Variants in CREB3L1 observed in about 807,000 individuals in gnomAD.
CREB3L1 encodes the protein cyclic AMP-responsive element-binding protein 3-like protein 1.
CREB3L1 carries 33 observed loss-of-function variants against 54.5 expected under a neutral mutation model. The observed-to-expected ratio is 0.61, with a 90% CI of 0.46 to 0.81. The LOEUF (loss-of-function observed/expected upper bound fraction) is 0.81, where lower values mean the gene tolerates loss of function less well. CREB3L1 is among the 30% of genes least tolerant of loss of function. The pLI is 0.00. For synonymous variants in CREB3L1, 284 were observed against 286.4 expected, an observed-to-expected ratio of 0.99 and a Z score of 0.08; for missense variants, 656 against 673.3, an observed-to-expected ratio of 0.97 and a Z score of 0.29.
chr11:46,314,680 T>G (rs1378771420), intron 8 of CREB3L1, among the ~76,000 whole-genome samples: 3 of 151,712 alleles, frequency 2.0e-5, no homozygotes, highest in Non-Finnish European at 4.4e-5. Context: ...TGGCCTTCTT[T>G]CATTATTTTT....
chr11:46,280,003 G>A (rs1938943330), intron 1 of CREB3L1, among the ~76,000 whole-genome samples: 1 of 152,158 alleles, frequency 6.6e-6, no homozygotes, highest in Non-Finnish European at 1.5e-5. Context: ...TGCTGGGGAG[G>A]CTCCTGATCT....
chr11:46,304,936 T>A (rs1939357433), intron 2 of CREB3L1, among the ~76,000 whole-genome samples: 1 of 152,266 alleles, frequency 6.6e-6, no homozygotes, highest in Non-Finnish European at 1.5e-5. Context: ...CCAGGCCCTG[T>A]AATTTGGGAA....
Position 46,312,906 on chromosome 11 carries a change from G to C in CREB3L1, c.1018G>C (p.Glu340Gln). Residue 340 changes from glutamate (E) to glutamine (Q), a missense_variant, in exon 8 of 12, where the codon GAG (glutamate) becomes CAG (glutamine). Glu to Gln is a conservative substitution (Grantham distance 29). Around this residue, in one of 3 missense-constraint regions of CREB3L1, gnomAD observed 77 missense variants for 122.0 expected, o/e 0.63. Coordinates refer to ENST00000621158, the MANE Select transcript of CREB3L1 (RefSeq NM_052854.4). ...ACTGTGGAAGAAGGTGGAGACCCTG[G>C]AGAATGCCAACAGGTGGGTAGTGCC... The part of the protein sequence containing the change: ...NELWKKVETL[E>Q]NANRTLLQQL... 1 of 1,586,646 alleles carries C rather than the reference G, an allele frequency of 6.3e-7. No homozygotes were observed.
chr11:46,310,945 G>C (rs2303434), intron 4 of CREB3L1, 87 bp from the exon 5 acceptor site: 5 of 1,470,682 alleles, frequency 3.4e-6, no homozygotes, highest in East Asian at 2.6e-5. Flanking sequence ...GTCAGGGCTG[G>C]TGCAAGCTCA....
chr11:46,317,341 C>T lies in CREB3L1; in HGVS notation c.1132-20C>T, dbSNP rs577462367. On this transcript the variant is annotated intron_variant, in intron 9 of 11. Coordinates refer to ENST00000621158, the MANE Select transcript of CREB3L1 (RefSeq NM_052854.4). ...CCCCTCCTTACCCCAGATCTGATGC[C>T]ACTCTCTCTTTGCTACCAGGTGGCA... 2.0e-4 allele frequency: 325 copies of T among 1,613,868 alleles called. 5 individuals are homozygous for T. In the South Asian group the frequency reaches 3.4e-3, roughly 17 times the overall value.
chr11:46,296,205 G>A (rs1939208363), intron 1 of CREB3L1, among the ~76,000 whole-genome samples: 1 of 152,066 alleles, frequency 6.6e-6, no homozygotes, highest in African/African-American at 2.4e-5. Flanking sequence ...AGTGGAGGGA[G>A]GGCTGGGTGT....
Position 46,299,927 on chromosome 11 carries a change from T to G in CREB3L1, c.103-8T>G, listed in dbSNP as rs767532730. The G allele has an allele frequency of 1.2e-6, 2 of 1,609,746 alleles. No homozygotes were observed. Among genetic ancestry groups the G allele is most frequent in the Admixed American group, 3.3e-5 (2 of 59,954 alleles). ...ATTCCCTCTTCCCCTCACCTCTTCC[T>G]TCCCTAGCACTTTCCTGAGCACCTG... is the stretch of plus-strand genomic sequence containing the variant. On this transcript the variant is annotated splice_polypyrimidine_tract_variant and splice_region_variant and intron_variant, in intron 1 of 11. Transcript: ENST00000621158.
At chr11:46,316,101 G>A in intron 8 of CREB3L1, 185 bp from the exon 9 acceptor site, 1 of 530,678 alleles carries the variant, frequency 1.9e-6, no homozygotes, top group Admixed American at 3.6e-5. Flanking sequence ...CAGTCACCAT[G>A]AGGCAGGCCC....
At position 46,281,986 on chromosome 11, in the gene CREB3L1, A is replaced by G. The variant is rs558865065; in HGVS notation, c.102+3773A>G. ...GAGACCTCTGATACCTACTCTATCA[A>G]AACATTAAGTTCGTTTTGAGCAGAG... On this transcript the variant is annotated intron_variant, in intron 1 of 11. Coordinates refer to ENST00000621158, the MANE Select transcript of CREB3L1 (RefSeq NM_052854.4). Among the ~76,000 whole-genome samples, 121 of 152,302 alleles carry G rather than the reference A, an allele frequency of 7.9e-4. 1 individual carries two copies. Among genetic ancestry groups the G allele is most frequent in the Admixed American group, 1.6e-3 (24 of 15,304 alleles).
rs554472100 is a variant in CREB3L1, at chr11:46,284,531, G to A, written c.102+6318G>A. Reference sequence around the variant, plus strand: ...TAGCCAGGCATGGTGGCATGTGCCTGTAATCCCAGCTACTTGGGAGGCTGA... The same window carrying A: ...TAGCCAGGCATGGTGGCATGTGCCTATAATCCCAGCTACTTGGGAGGCTGA... On this transcript the variant is annotated intron_variant, in intron 1 of 11. Transcript: ENST00000621158. 4.6e-5 allele frequency among the ~76,000 whole-genome samples: 7 copies of A among 152,004 alleles called. No homozygotes were observed. In the South Asian group the frequency reaches 1.2e-3, roughly 27 times the overall value.
At position 46,320,298 on chromosome 11, in the gene CREB3L1, G is replaced by A. The variant is rs1204433197; in HGVS notation, c.1293G>A (p.Gly431=). The A allele has an allele frequency of 1.2e-6, 2 of 1,612,250 alleles. No homozygotes were observed. The highest frequency in any genetic ancestry group is 1.3e-5 in the African/African-American group (1 of 74,826). ...GAAGCCTCCTATTCTACGATGACGGGGCAGGCTTATGGGAAGATGGCCGCA... is the reference window on the plus strand; with the variant it reads ...GAAGCCTCCTATTCTACGATGACGGAGCAGGCTTATGGGAAGATGGCCGCA... ...PSRSLLFYDD[G]AGLWEDGRST... is the part of the protein sequence containing the mutation. Residue 431 remains glycine, a synonymous_variant, in exon 11 of 12, where the codon GGG becomes GGA. Coordinates refer to ENST00000621158, the MANE Select transcript of CREB3L1 (RefSeq NM_052854.4).
intron 3 of CREB3L1, 53 bp downstream of exon 3, chr11:46,308,053 T>A: frequency 7.0e-7 from 1 of 1,425,986 alleles, no homozygotes; most frequent in South Asian, 1.4e-5. Context: ...GGCTGGTGGG[T>A]CTGTGGGAAG....
intron 8 of CREB3L1, chr11:46,315,897 G>A (rs1279378509): frequency 4.8e-6 from 1 of 206,344 alleles, no homozygotes; most frequent in Non-Finnish European, 9.9e-6. Context: ...ACCAGGCACT[G>A]TGCCAAACAG....
chr11:46,277,863 G>A lies in CREB3L1; in HGVS notation c.-249G>A, dbSNP rs1218487334. On this transcript the variant is annotated 5_prime_UTR_variant, in exon 1 of 12. Coordinates refer to ENST00000621158, the MANE Select transcript of CREB3L1 (RefSeq NM_052854.4). ...AGGAGGAGCAGGAGGAGGTGGAGTC[G>A]GCTGAATGCCCACGGTGCGCCCGGG... 3.3e-5 allele frequency: 12 copies of A among 358,272 alleles called. No homozygotes were observed. The East Asian group carries it at 4.7e-4, about 14-fold the overall frequency. The allele number at this position is 358,272 out of a possible 1,614,324, so 22.2% of individuals were successfully genotyped here. A position where few individuals can be genotyped will look rare whatever the true frequency, so the allele number is the denominator to read the frequency against.
chr11:46,320,476 G>A lies in CREB3L1; in HGVS notation c.1471G>A (p.Gly491Arg), dbSNP rs1364280800. 1.9e-6 allele frequency: 3 copies of A among 1,599,234 alleles called. No homozygotes were observed. The highest frequency in any genetic ancestry group is 1.1e-5 in the South Asian group (1 of 88,956). Reference protein sequence around the residue: ...YLSEAWPKDGGNGTSPDFSHS... With the variant: ...YLSEAWPKDGRNGTSPDFSHS... ...GAGTGAGGCCTGGCCTAAAGACGGTGGAAACGGCACCAGCCCCGACTTCTC... is the reference window on the plus strand; with the variant it reads ...GAGTGAGGCCTGGCCTAAAGACGGTAGAAACGGCACCAGCCCCGACTTCTC... Residue 491 changes from glycine (G) to arginine (R), a missense_variant, in exon 11 of 12, where the codon GGA (glycine) becomes AGA (arginine). Physicochemically the swap from Gly to Arg is moderately radical, Grantham distance 125 (BLOSUM62 -2). Coordinates refer to ENST00000621158, the MANE Select transcript of CREB3L1 (RefSeq NM_052854.4).
intron 10 of CREB3L1, 32 bp downstream of exon 10, chr11:46,317,519 GGCTGAGGCTGCCCTGC>G: frequency 6.2e-7 from 1 of 1,602,436 alleles, no homozygotes; most frequent in Non-Finnish European, 8.5e-7. Flanking sequence ...CAGCTCCCTG[GGCTGAGGCTGCCCTGC>G]CCCAGCCCCA....
Position 46,316,372 on chromosome 11 carries a change from G to T in CREB3L1, c.1118G>T (p.Gly373Val). The T allele has an allele frequency of 6.4e-7, 1 of 1,565,114 alleles. No individual in the cohort carries two copies. Among genetic ancestry groups the T allele is most frequent in the East Asian group, 2.4e-5 (1 of 41,908 alleles). ...RPYKMAATQT[G>V]TCLMVAALCF... ...TACAAGATGGCCGCCACCCAGACTG[G>T]GACCTGCCTCATGGTAGGTGTGGCT... is the stretch of plus-strand genomic sequence containing the variant. Residue 373 changes from glycine (G) to valine (V), a missense_variant, in exon 9 of 12, where the codon GGG becomes GTG. Physicochemically the swap from Gly to Val is moderately radical, Grantham distance 109 (BLOSUM62 -3). Coordinates refer to ENST00000621158, the MANE Select transcript of CREB3L1 (RefSeq NM_052854.4).
At chr11:46,286,133 A>AG (rs1939052533) in intron 1 of CREB3L1, among the ~76,000 whole-genome samples, 1 of 152,186 alleles carries the variant, frequency 6.6e-6, no homozygotes, top group South Asian at 2.1e-4. Context: ...ATTTGCGGCT[A>AG]TTCCCTAGGT....
At position 46,321,268 on chromosome 11, in the gene CREB3L1, C is replaced by T; in HGVS notation, c.*522C>T. The T allele has an allele frequency of 3.5e-6, 1 of 282,794 alleles. No homozygotes were observed. The highest frequency in any genetic ancestry group is 7.4e-5 in the South Asian group (1 of 13,576). 17.5% of individuals were successfully genotyped at this position (282,794 alleles called of 1,614,324 possible). A position where few individuals can be genotyped will look rare whatever the true frequency, so the allele number is the denominator to read the frequency against. On this transcript the variant is annotated 3_prime_UTR_variant, in exon 12 of 12. Coordinates refer to ENST00000621158, the MANE Select transcript of CREB3L1 (RefSeq NM_052854.4). ...AGTGCGGGCTTTGCTGCTCCCTGGC[C>T]CAGGAAAGAGGGACTACCTGACCCT...
Sources: gnomAD v4.1 joint callset for allele counts (sites outside exome capture counted in the v4.1 genomes callset) on GRCh38, gnomAD v4.1.1 for gene constraint, gnomAD v4.1.1 regional missense constraint, MANE v1.5 for transcripts, NCBI Gene and HGNC (gene_info 2026-07-23, HGNC 2026-07-21) for gene names.